The following MAGI2 variants were observed in gnomAD, a reference collection of about 807,000 sequenced individuals.
MAGI2 encodes membrane-associated guanylate kinase, WW and PDZ domain-containing protein 2.
Under a neutral mutation model 133.3 loss-of-function variants are expected in MAGI2, and 35 were observed. That is an observed-to-expected ratio of 0.26 (90% CI 0.20 to 0.35). The LOEUF is 0.35. MAGI2 is among the 10% of genes least tolerant of loss of function. The probability of loss-of-function intolerance (pLI) is 1.00; values close to 1 mark genes in which losing one functional copy is unlikely to be tolerated. For missense variants in MAGI2, 1,636 were observed against 1,863.4 expected, an observed-to-expected ratio of 0.88 and a Z score of 2.25; for synonymous variants, 729 against 710.6, an observed-to-expected ratio of 1.03 and a Z score of -0.41.
chr7:79,077,720 T>G (rs1192017272), intron 1 of MAGI2, among the ~76,000 whole-genome samples: 3 of 151,958 alleles, frequency 2.0e-5, no homozygotes, highest in Non-Finnish European at 4.4e-5. Flanking sequence ...TTTGTAGCCT[T>G]GTTTTCATTA....
intron 1 of MAGI2, among the ~76,000 whole-genome samples, chr7:79,191,621 G>A (rs1464547355): frequency 6.6e-6 from 1 of 150,508 alleles, no homozygotes; most frequent in Non-Finnish European, 1.5e-5. Flanking sequence ...AATATGTTGT[G>A]TTATTCTTGC....
At chr7:78,573,255 TAAATATAA>T (rs1801802208) in intron 3 of MAGI2, among the ~76,000 whole-genome samples, 2 of 33,526 alleles carry the variant, frequency 6.0e-5, no homozygotes, top group Non-Finnish European at 5.2e-5. Flanking sequence ...TAAATATATA[TAAATATAA>T]ATATATATAA....
At chr7:78,999,241 G>T (rs1384266307) in intron 2 of MAGI2, among the ~76,000 whole-genome samples, 1 of 151,500 alleles carries the variant, frequency 6.6e-6, no homozygotes, top group Non-Finnish European at 1.5e-5. Context: ...ATCAAGTCAG[G>T]GCAAAGGGAA....
At chr7:78,865,829 A>G (rs1794511431) in intron 2 of MAGI2, among the ~76,000 whole-genome samples, 1 of 152,190 alleles carries the variant, frequency 6.6e-6, no homozygotes, top group Non-Finnish European at 1.5e-5. Context: ...TGTCCCTTAA[A>G]CAAAACTATT....
At chr7:78,932,861 T>C (rs975992635) in intron 2 of MAGI2, among the ~76,000 whole-genome samples, 1 of 152,142 alleles carries the variant, frequency 6.6e-6, no homozygotes, top group African/African-American at 2.4e-5. Context: ...ACTGTCTTCA[T>C]GTTATTGACC....
At chr7:78,032,981 C>T (rs559979609) in intron 21 of MAGI2, among the ~76,000 whole-genome samples, 2 of 152,142 alleles carry the variant, frequency 1.3e-5, no homozygotes, top group African/African-American at 2.4e-5. Context: ...ATGGAAGCCA[C>T]TGGATGGTTT....
intron 2 of MAGI2, among the ~76,000 whole-genome samples, chr7:78,995,464 T>G (rs1480425760): frequency 2.6e-5 from 4 of 152,172 alleles, no homozygotes; most frequent in African/African-American, 9.7e-5. Flanking sequence ...GGAACCTGAT[T>G]GATTAGTGAC....
chr7:78,398,779 C>A lies in MAGI2; in HGVS notation c.1046-29566G>T, dbSNP rs1018773566. Among the ~76,000 whole-genome samples, 4 of 152,150 alleles carry A rather than the reference C, an allele frequency of 2.6e-5. No homozygotes were observed. In the South Asian group the frequency reaches 8.3e-4, roughly 32 times the overall value. On this transcript the variant is annotated intron_variant, in intron 6 of 21. Transcript: ENST00000354212. ...TTACACTGACAAAATTCACCCCTCC[C>A]ACCTCCTCCAGTAGTTTTCCACCAG...
At chr7:78,896,126 G>A (rs1797194113) in intron 2 of MAGI2, among the ~76,000 whole-genome samples, 1 of 152,170 alleles carries the variant, frequency 6.6e-6, no homozygotes, top group South Asian at 2.1e-4. Context: ...GACAAATCAA[G>A]TTAATTTGGG....
At chr7:78,735,797 A>G (rs1205511364) in intron 2 of MAGI2, among the ~76,000 whole-genome samples, 1 of 152,198 alleles carries the variant, frequency 6.6e-6, no homozygotes, top group Non-Finnish European at 1.5e-5. Flanking sequence ...CTATAAATGC[A>G]CATATGTGCA....
intron 6 of MAGI2, among the ~76,000 whole-genome samples, chr7:78,390,243 G>A (rs1260490818): frequency 6.6e-6 from 1 of 152,012 alleles, no homozygotes; most frequent in Non-Finnish European, 1.5e-5. Flanking sequence ...ATGTTTTCAG[G>A]AAAATACATA....
chr7:79,186,246 ATATT>A (rs1358961505), intron 1 of MAGI2, among the ~76,000 whole-genome samples: 4 of 124,828 alleles, frequency 3.2e-5, no homozygotes, highest in South Asian at 5.3e-4. Context: ...ATATATATTT[ATATT>A]TATTTATTTA....
At chr7:78,519,188 G>A (rs1488706376) in intron 4 of MAGI2, 4 of 147,672 alleles carry the variant, frequency 2.7e-5, no homozygotes, top group Non-Finnish European at 4.4e-5. Context: ...GTTGGGAAAT[G>A]TATATCAGAG....
intron 9 of MAGI2, among the ~76,000 whole-genome samples, chr7:78,294,290 TC>T (rs1261535537): frequency 1.3e-5 from 2 of 152,160 alleles, no homozygotes; most frequent in African/African-American, 2.4e-5. Flanking sequence ...GGAGAAATAA[TC>T]TGATTTTTAG....
rs1461811611 is a variant in MAGI2 at position 79,020,554 on chromosome 7, CA to C, written c.302-13349del. Among the ~76,000 whole-genome samples, 4 of 151,956 alleles carry C rather than the reference CA, an allele frequency of 2.6e-5. No individual in the cohort carries two copies. In the East Asian group the frequency reaches 7.8e-4, roughly 29 times the overall value. ...GGCGGAGGCGGGCTGATCATGAGGT[CA>C]GGAGATTGAGACCATCCTGGCTAAC... On this transcript the variant is annotated intron_variant, in intron 1 of 21. Coordinates refer to ENST00000354212, the MANE Select transcript of MAGI2 (RefSeq NM_012301.4).
chr7:78,676,213 T>A (rs1307295406), intron 2 of MAGI2, among the ~76,000 whole-genome samples: 1 of 152,178 alleles, frequency 6.6e-6, no homozygotes, highest in Non-Finnish European at 1.5e-5. Flanking sequence ...ATAATGCCAT[T>A]ATAGAAACAC....
intron 1 of MAGI2, among the ~76,000 whole-genome samples, chr7:79,318,686 G>A (rs2129561401): frequency 6.6e-6 from 1 of 152,262 alleles, no homozygotes; most frequent in East Asian, 1.9e-4. Flanking sequence ...CTACGTATTA[G>A]TTTTCAGACT....
At chr7:79,154,368 GA>G (rs1441433291) in intron 1 of MAGI2, among the ~76,000 whole-genome samples, 5 of 152,142 alleles carry the variant, frequency 3.3e-5, no homozygotes, top group African/African-American at 1.2e-4. Context: ...CTTGACTGTT[GA>G]AAAATGTTAT....
intron 2 of MAGI2, among the ~76,000 whole-genome samples, chr7:78,913,390 A>G (rs537354102): frequency 6.6e-6 from 1 of 152,228 alleles, no homozygotes; most frequent in South Asian, 2.1e-4. Flanking sequence ...AGCCATGCAC[A>G]GTGCTATTTC....
Sources: allele counts gnomAD v4.1 joint callset (sites outside exome capture counted in the v4.1 genomes callset), GRCh38; gene constraint gnomAD v4.1.1; transcripts MANE v1.5; gene names NCBI Gene and HGNC (gene_info 2026-07-23, HGNC 2026-07-21).